The following ERICH1 variants were observed in gnomAD, a reference collection of about 807,000 sequenced individuals.
ERICH1 encodes the protein glutamate-rich protein 1.
In ERICH1, 56 loss-of-function variants were observed where a neutral mutation model predicts 39.6. That is an observed-to-expected ratio of 1.41 (90% confidence interval 1.14 to 1.77). ERICH1 has a LOEUF of 1.77. Ranked by LOEUF, ERICH1 falls within the 40% of genes most tolerant of loss-of-function variation. The probability of loss-of-function intolerance (pLI) is 0.00; values close to 1 mark genes in which losing one functional copy is unlikely to be tolerated. For missense variants in ERICH1, 826 were observed against 575.4 expected, an observed-to-expected ratio of 1.44 and a Z score of -4.45; for synonymous variants, 313 against 223.6, an observed-to-expected ratio of 1.40 and a Z score of -3.57.
At chr8:651,659 C>A (rs55793055) in intron 3 of ERICH1, among the ~76,000 whole-genome samples, 2 of 143,614 alleles carry the variant, frequency 1.4e-5, no homozygotes, top group African/African-American at 2.7e-5. Context: ...AGGCAGAGAG[C>A]GAGGGAGACG....
At chr8:632,074 C>T (rs1792215700) in intron 3 of ERICH1, among the ~76,000 whole-genome samples, 1 of 152,196 alleles carries the variant, frequency 6.6e-6, no homozygotes, top group African/African-American at 2.4e-5. Context: ...ACAGGCTCTA[C>T]TCTCCGACTG....
intron 3 of ERICH1, among the ~76,000 whole-genome samples, chr8:649,669 C>T (rs1799690334): frequency 6.6e-6 from 1 of 152,148 alleles, no homozygotes; most frequent in Admixed American, 6.5e-5. Context: ...GGGCTCAGAT[C>T]ATGAAGCACT....
At chr8:700,415 A>C (rs2132184830) in intron 2 of ERICH1, among the ~76,000 whole-genome samples, 1 of 86,688 alleles carries the variant, frequency 1.2e-5, no homozygotes, top group African/African-American at 4.3e-5. Flanking sequence ...ACAGGCGCAC[A>C]GGCCCGCAGA....
At chr8:634,784 C>A (rs1214245190) in intron 3 of ERICH1, among the ~76,000 whole-genome samples, 1 of 152,206 alleles carries the variant, frequency 6.6e-6, no homozygotes, top group African/African-American at 2.4e-5. Context: ...CACTTCCAAA[C>A]CCCGCTGAGC....
chr8:631,840 G>T (rs113541744), intron 3 of ERICH1, among the ~76,000 whole-genome samples: 7 of 151,998 alleles, frequency 4.6e-5, no homozygotes, highest in Non-Finnish European at 1.5e-5. Context: ...AGGTTTGCAG[G>T]TGCCGCCCCC....
At chr8:636,069 G>C (rs1325586010) in intron 3 of ERICH1, among the ~76,000 whole-genome samples, 4 of 152,370 alleles carry the variant, frequency 2.6e-5, no homozygotes, top group African/African-American at 9.6e-5. Context: ...CTCTCAGAGA[G>C]GCAAAAGCTG....
downstream of ERICH1, among the ~76,000 whole-genome samples, chr8:661,228 G>C (rs1409005892): frequency 2.6e-5 from 4 of 152,126 alleles, no homozygotes; most frequent in African/African-American, 9.7e-5. Context: ...ATGTCACCTG[G>C]AGAGCGCTCG....
chr8:668,272 T>G, intron 5 of ERICH1: 2 of 357,808 alleles, frequency 5.6e-6, no homozygotes, highest in South Asian at 2.7e-5. Context: ...ATTTACCATC[T>G]ACCACAGCAG....
chr8:707,208 C>CT (rs71528615), intron 2 of ERICH1, among the ~76,000 whole-genome samples: 59,515 of 136,220 alleles, frequency 0.44, 13,602 homozygotes, highest in South Asian at 0.51. Context: ...TTTTTTGTTT[C>CT]TTTTTTTTTT....
At chr8:725,722 G>A (rs911421753) in intron 1 of ERICH1, 1 of 153,050 alleles carries the variant, frequency 6.5e-6, no homozygotes, top group Non-Finnish European at 1.5e-5. Context: ...GCCCTTCCCT[G>A]CTGGGGCCGA....
At chr8:622,002 G>C (rs1797313469) in intron 3 of ERICH1, among the ~76,000 whole-genome samples, 1 of 152,136 alleles carries the variant, frequency 6.6e-6, no homozygotes, top group Non-Finnish European at 1.5e-5. Context: ...ATCCCTTGAG[G>C]CCAGTAGTTT....
chr8:619,059 A>G (rs1032349906), intron 3 of ERICH1, among the ~76,000 whole-genome samples: 2 of 152,140 alleles, frequency 1.3e-5, no homozygotes, highest in Non-Finnish European at 2.9e-5. Flanking sequence ...GTGGCATTTC[A>G]GCCTCAGCCC....
rs1363540059 is a variant in ERICH1 at position 668,757 on chromosome 8, C to T, written c.1099G>A (p.Asp367Asn). The change falls in exon 5 of 6, where the codon GAT becomes AAT. Residue 367 changes from aspartate to asparagine, a missense_variant. Physicochemically the swap from Asp to Asn is conservative, Grantham distance 23. Coordinates refer to ENST00000262109, the MANE Select transcript of ERICH1 (RefSeq NM_207332.3). ...SRDAASAALA[D>N]AAEELLDRLA... is the part of the protein sequence containing the mutation. ...CGGTCCAGCAGCTCCTCAGCGGCAT[C>T]TGCGAGGGCAGCTGAAGCTGCATCT... 1.9e-6 allele frequency: 3 copies of T among 1,611,934 alleles called. No homozygotes were observed. Among genetic ancestry groups the T allele is most frequent in the Non-Finnish European group, 2.5e-6 (3 of 1,178,680 alleles).
chr8:621,272 G>C (rs336423), intron 3 of ERICH1, among the ~76,000 whole-genome samples: 19,385 of 152,098 alleles, frequency 0.13, 1,504 homozygotes, highest in East Asian at 0.28. Flanking sequence ...AGCTAAAGCA[G>C]TGCCCAGAGG....
rs138107424 is a variant in ERICH1, at chr8:693,714, C to T, written c.170-1102G>A. ...TACCAGAAGTCATCACCACCGTGGACGGCGGCTGGAACCTCCCTGCTGTGT... is the reference window on the plus strand; with the variant it reads ...TACCAGAAGTCATCACCACCGTGGATGGCGGCTGGAACCTCCCTGCTGTGT... On this transcript the variant is annotated intron_variant, in intron 2 of 5. Transcript: ENST00000262109. 4.8e-4 allele frequency among the ~76,000 whole-genome samples: 73 copies of T among 151,102 alleles called. No homozygotes were observed. The East Asian group carries it at 0.011, about 23-fold the overall frequency.
chr8:725,405 G>C (rs1300689034), intron 1 of ERICH1: 1 of 153,070 alleles, frequency 6.5e-6, no homozygotes, highest in Non-Finnish European at 1.5e-5. Context: ...TGAGCCACCT[G>C]AGCATTAGTA....
At chr8:701,640 A>G (rs1406802665) in intron 2 of ERICH1, among the ~76,000 whole-genome samples, 1 of 152,254 alleles carries the variant, frequency 6.6e-6, no homozygotes, top group Non-Finnish European at 1.5e-5. Flanking sequence ...AACACTGTCT[A>G]TGATACGTGT....
intron 3 of ERICH1, chr8:615,563 G>A: frequency 2.8e-6 from 1 of 352,308 alleles, no homozygotes; most frequent in South Asian, 7.1e-5. Context: ...GATGGCTGCA[G>A]CTGCAGACAG....
chr8:720,374 T>G (rs1817025275), intron 1 of ERICH1, among the ~76,000 whole-genome samples: 1 of 152,144 alleles, frequency 6.6e-6, no homozygotes, highest in Admixed American at 6.5e-5. Flanking sequence ...ACCGCGCCAG[T>G]GTCAGCCACA....
Sources: gnomAD v4.1 joint callset for allele counts (sites outside exome capture counted in the v4.1 genomes callset) on GRCh38, gnomAD v4.1.1 for gene constraint, MANE v1.5 for transcripts, NCBI Gene and HGNC (gene_info 2026-07-23, HGNC 2026-07-21) for gene names.